MTAP: variants seen among roughly 807,000 people sequenced by gnomAD.
MTAP encodes methylthioadenosine phosphorylase.
Under a neutral mutation model 33.6 loss-of-function variants are expected in MTAP, and 33 were observed. That is an observed-to-expected ratio of 0.98 (90% CI 0.74 to 1.31). The LOEUF (loss-of-function observed/expected upper bound fraction) is 1.31. Among genes scored for constraint, MTAP ranks in the 40% most tolerant of loss-of-function variants. MTAP has a pLI of 0.00. For missense variants in MTAP, 367 were observed against 360.0 expected, an observed-to-expected ratio of 1.02 and a Z score of -0.16; for synonymous variants, 148 against 125.7, an observed-to-expected ratio of 1.18 and a Z score of -1.19.
chr9:21,909,353 G>A (rs1818528859), intron 1 of MTAP, among the ~76,000 whole-genome samples: 3 of 152,068 alleles, frequency 2.0e-5, no homozygotes, highest in Admixed American at 2.0e-4. Context: ...TAAGGAATAA[G>A]AGAAATATCC....
intron 5 of MTAP, among the ~76,000 whole-genome samples, chr9:21,840,210 A>G (rs1825209165): frequency 6.6e-6 from 1 of 151,622 alleles, no homozygotes; most frequent in Admixed American, 6.6e-5. Context: ...TGGGTGACAG[A>G]GACTCCATGT....
rs553267854 is a variant in MTAP, at chr9:21,927,435, G to C, written c.148-3573G>C. Among the ~76,000 whole-genome samples, 4 of 152,236 alleles carry C rather than the reference G, an allele frequency of 2.6e-5. No homozygotes were observed. In the East Asian group the frequency reaches 7.7e-4, roughly 29 times the overall value. On this transcript the variant is annotated intron_variant, in intron 1 of 1. Transcript: ENST00000577563. ...ACAGACTGCTAAACTACCAAGTCTT[G>C]TTGTCAGAAAACCCACAGGTAACAG...
chr9:21,919,545 A>G (rs1227791248), intron 1 of MTAP, among the ~76,000 whole-genome samples: 1 of 152,184 alleles, frequency 6.6e-6, no homozygotes, highest in Non-Finnish European at 1.5e-5. Flanking sequence ...AGAGAGTTGG[A>G]TTTAACCAGG....
chr9:21,816,659 T>G, intron 2 of MTAP, 55 bp from the exon 3 acceptor site: 1 of 1,502,500 alleles, frequency 6.7e-7, no homozygotes, highest in Non-Finnish European at 9.2e-7. Flanking sequence ...CAATTATAAT[T>G]TACATACCTG....
chr9:21,826,148 C>T (rs1824793036), intron 4 of MTAP, among the ~76,000 whole-genome samples: 1 of 150,156 alleles, frequency 6.7e-6, no homozygotes, highest in African/African-American at 2.5e-5. Flanking sequence ...TAATCAGGGA[C>T]TCTCTAAGTT....
chr9:21,838,877 A>G (rs1165519929), intron 5 of MTAP, among the ~76,000 whole-genome samples: 1 of 152,260 alleles, frequency 6.6e-6, no homozygotes, highest in Non-Finnish European at 1.5e-5. Flanking sequence ...CTTATGAGTT[A>G]ACTTAGAGAA....
At chr9:21,897,919 G>T (rs1396178544) in intron 1 of MTAP, among the ~76,000 whole-genome samples, 1 of 152,120 alleles carries the variant, frequency 6.6e-6, no homozygotes, top group Non-Finnish European at 1.5e-5. Context: ...AGCCCGCATT[G>T]CCAAGTCAAT....
chr9:21,941,075 G>C (rs1437172499), downstream of MTAP: 12 of 835,410 alleles, frequency 1.4e-5, no homozygotes, highest in South Asian at 6.6e-4. Context: ...ATGTATAATA[G>C]TTACTTAAAA....
intron 1 of MTAP, chr9:21,803,475 T>C (rs1824121997): frequency 6.6e-6 from 1 of 152,254 alleles, no homozygotes; most frequent in Non-Finnish European, 1.5e-5. Flanking sequence ...CTGCTTTGTT[T>C]TGCAGCCTTG....
chr9:21,904,049 G>A lies in MTAP; in HGVS notation c.148-26959G>A, dbSNP rs148653195. 5.0e-3 allele frequency among the ~76,000 whole-genome samples: 757 copies of A among 152,300 alleles called. 4 individuals are homozygous for A. The highest frequency in any genetic ancestry group is 0.018 in the African/African-American group (732 of 41,568). On this transcript the variant is annotated intron_variant, in intron 1 of 1. Coordinates refer to the MTAP transcript ENST00000577563. ...CTCAGCAGATGGGGGAGCCAGAAAG[G>A]AGAATGGTTTTCCCCTTGGGTCAGG... is the stretch of plus-strand genomic sequence containing the variant.
intron 4 of MTAP, among the ~76,000 whole-genome samples, chr9:21,832,592 C>G: frequency 6.6e-6 from 1 of 152,186 alleles, no homozygotes; most frequent in Middle Eastern, 3.2e-3. Flanking sequence ...TACTTGCGTC[C>G]CTGTTCTTTG....
intron 7 of MTAP, chr9:21,861,693 C>T: frequency 2.4e-6 from 1 of 420,948 alleles, no homozygotes; most frequent in Non-Finnish European, 4.3e-6. Context: ...ATAATCCAGG[C>T]TGGGGGCTGG....
At chr9:21,869,679 A>G (rs1825908213), downstream of MTAP, among the ~76,000 whole-genome samples, 1 of 152,136 alleles carries the variant, frequency 6.6e-6, no homozygotes, top group Non-Finnish European at 1.5e-5. Flanking sequence ...CAAAACCCAC[A>G]TTAAAACCAG....
intron 6 of MTAP, chr9:21,856,167 G>A: frequency 1.0e-6 from 1 of 985,346 alleles, no homozygotes; most frequent in Non-Finnish European, 1.2e-6. Context: ...CGACAAAACT[G>A]CAGTCACTTT....
intron 1 of MTAP, among the ~76,000 whole-genome samples, chr9:21,805,364 C>G (rs1441564803): frequency 6.6e-6 from 1 of 152,194 alleles, no homozygotes; most frequent in African/African-American, 2.4e-5. Flanking sequence ...TTATTGAATA[C>G]CTGCTAGACA....
chr9:21,869,776 C>A (rs992952812), downstream of MTAP, among the ~76,000 whole-genome samples: 1 of 152,218 alleles, frequency 6.6e-6, no homozygotes, highest in East Asian at 1.9e-4. Context: ...GAGCCACTCT[C>A]ATCTCACCTG....
chr9:21,824,785 C>G (rs530755295), intron 4 of MTAP, among the ~76,000 whole-genome samples: 163 of 152,326 alleles, frequency 1.1e-3, no homozygotes, highest in Admixed American at 2.2e-3. Context: ...TTTACCTACT[C>G]AAGCCTCAGC....
At chr9:21,861,713 AAG>A in intron 7 of MTAP, 1 of 481,854 alleles carries the variant, frequency 2.1e-6, no homozygotes, top group Non-Finnish European at 3.7e-6. Flanking sequence ...GTATGGCAAT[AAG>A]TGATTATCAG....
At chr9:21,915,084 C>CTTTCTTTCTTTCTCTTTCTTTCTTTCTTT (rs369342496) in intron 1 of MTAP, among the ~76,000 whole-genome samples, 2 of 72,416 alleles carry the variant, frequency 2.8e-5, no homozygotes, top group Admixed American at 3.6e-4. Context: ...TTCTTTCTTT[C>CTTTCTTTCTTTCTCTTTCTTTCTTTCTTT]CTTTCTTTCT....
Sources: gnomAD v4.1 joint callset for allele counts (sites outside exome capture counted in the v4.1 genomes callset) on GRCh38, gnomAD v4.1.1 for gene constraint, MANE v1.5 for transcripts, NCBI Gene and HGNC (gene_info 2026-07-23, HGNC 2026-07-21) for gene names.